BRD3: variants seen among roughly 807,000 people sequenced by gnomAD.
BRD3 encodes the protein bromodomain containing 3, also known as bromodomain-containing protein 3.
BRD3 carries 17 observed loss-of-function variants against 66.8 expected under a neutral mutation model. That is an observed-to-expected ratio of 0.25 (90% CI 0.17 to 0.38). BRD3 has a LOEUF of 0.38. BRD3 is among the 10% of genes least tolerant of loss of function. The pLI, the probability that BRD3 is intolerant of heterozygous loss-of-function variation, is 1.00. For synonymous variants in BRD3, 421 were observed against 393.2 expected, an observed-to-expected ratio of 1.07 and a Z score of -0.84; for missense variants, 713 against 956.1, an observed-to-expected ratio of 0.75 and a Z score of 3.35.
Position 134,030,450 on chromosome 9 carries a change from T to C in BRD3, c.*3140A>G, listed in dbSNP as rs1302646547. The C allele has an allele frequency of 5.1e-6, 1 of 195,876 alleles. No individual in the cohort carries two copies. The highest frequency in any genetic ancestry group is 1.1e-5 in the Non-Finnish European group (1 of 94,586). The allele number at this position is 195,876 out of a possible 1,614,324, so 12.1% of individuals were successfully genotyped here. On this transcript the variant is annotated 3_prime_UTR_variant, in exon 12 of 12. Coordinates refer to ENST00000303407, the MANE Select transcript of BRD3 (RefSeq NM_007371.4). ...GAGGCCAGCATTGCAATAAACAAGC[T>C]AAACTACTTACATTGGACTCATTTT...
chr9:134,039,101 C>T (rs1210956553), intron 9 of BRD3, among the ~76,000 whole-genome samples: 3 of 152,122 alleles, frequency 2.0e-5, no homozygotes, highest in South Asian at 2.1e-4. Context: ...CTGGCCATGC[C>T]GCCTCCCAAA....
chr9:134,037,537 C>CGAGA (rs1829951768), intron 9 of BRD3, among the ~76,000 whole-genome samples: 1 of 152,144 alleles, frequency 6.6e-6, no homozygotes, highest in Non-Finnish European at 1.5e-5. Flanking sequence ...TGCCACTGCA[C>CGAGA]TCCAGCCTAG....
chr9:134,047,875 G>A, intron 6 of BRD3: 1 of 590,538 alleles, frequency 1.7e-6, no homozygotes, highest in Non-Finnish European at 2.8e-6. Context: ...CAGAGCCACA[G>A]ACTCCGGGAC....
chr9:134,054,805 G>A (rs988661833), intron 1 of BRD3, among the ~76,000 whole-genome samples: 1 of 152,098 alleles, frequency 6.6e-6, no homozygotes, highest in Non-Finnish European at 1.5e-5. Context: ...GGCAAATGCT[G>A]CAAACCAGGA....
chr9:134,043,024 A>G (rs1440591343), intron 7 of BRD3, among the ~76,000 whole-genome samples: 1 of 152,176 alleles, frequency 6.6e-6, no homozygotes, highest in African/African-American at 2.4e-5. Context: ...TATTTTTAGT[A>G]GAGCCGAAGT....
chr9:134,050,525 G>T lies in BRD3; in HGVS notation c.563C>A (p.Pro188His). 3 of 1,605,254 alleles carry T rather than the reference G, an allele frequency of 1.9e-6. No homozygotes were observed. The South Asian group carries it at 3.3e-5, about 18-fold the overall frequency. The change falls in exon 5 of 12, where the codon CCC (proline) becomes CAC (histidine). Residue 188 changes from proline (P) to histidine (H), a missense_variant. Transcript: ENST00000303407. ...SPATPFQSVPPTVSQTPVIAA... is the reference protein window; with the variant it reads ...SPATPFQSVPHTVSQTPVIAA... ...GATGACGGGCGTCTGGGAGACGGTGGGGGGCACGCTCTGAAAGGGGGTCGC... is the reference window on the plus strand; with the variant it reads ...GATGACGGGCGTCTGGGAGACGGTGTGGGGCACGCTCTGAAAGGGGGTCGC...
intron 9 of BRD3, chr9:134,036,625 G>T: frequency 6.6e-7 from 1 of 1,507,904 alleles, no homozygotes; most frequent in East Asian, 2.3e-5. Flanking sequence ...AGGCAAAAAA[G>T]GGGGAACAAA....
chr9:134,053,126 T>C (rs1830338657), intron 2 of BRD3, 139 bp downstream of exon 2: 11 of 956,520 alleles, frequency 1.2e-5, no homozygotes, highest in African/African-American at 1.6e-5. Flanking sequence ...TGCTGTGGAC[T>C]TCCTGAGGCA....
intron 4 of BRD3, 25 bp downstream of exon 4, chr9:134,051,537 C>T: frequency 6.6e-7 from 1 of 1,509,862 alleles, no homozygotes; most frequent in Non-Finnish European, 8.7e-7. Flanking sequence ...AGGCCCAGCC[C>T]CTCGCCTGCC....
intron 1 of BRD3, among the ~76,000 whole-genome samples, chr9:134,060,116 C>T (rs765031004): frequency 6.6e-6 from 1 of 152,244 alleles, no homozygotes; most frequent in Non-Finnish European, 1.5e-5. Context: ...CAGGCACTGC[C>T]TGCCGGGCCC....
rs761403724 is a variant in BRD3 at position 134,036,188 on chromosome 9, G to A, written c.1780C>T (p.Arg594Trp). The change falls in exon 10 of 12, where the codon CGG becomes TGG. Residue 594 changes from arginine (R) to tryptophan (W), a missense_variant. Transcript: ENST00000303407. The stretch of plus-strand genomic sequence containing the variant: ...CGAGATTGGATGATGTGCACTACCC[G>A]GCCCAGCTTCTCCCCGGGCAGCCGG... The part of the protein sequence containing the change: ...INRLPGEKLG[R>W]VVHIIQSREP... 6.2e-6 allele frequency: 10 copies of A among 1,614,170 alleles called. No individual in the cohort carries two copies. Among genetic ancestry groups the A allele is most frequent in the Middle Eastern group, 1.7e-4 (1 of 6,060 alleles).
Position 134,053,818 on chromosome 9 carries a change from G to C in BRD3, c.-113-228C>G, listed in dbSNP as rs965217476. On this transcript the variant is annotated intron_variant, in intron 1 of 11. Coordinates refer to ENST00000303407, the MANE Select transcript of BRD3 (RefSeq NM_007371.4). ...CCAACCACTGCTCTCAGGCACGGGAGGGAAGGCCTGGGCGGTGGAGGGAGC... is the reference window on the plus strand; with the variant it reads ...CCAACCACTGCTCTCAGGCACGGGACGGAAGGCCTGGGCGGTGGAGGGAGC... 4.0e-4 allele frequency: 126 copies of C among 312,104 alleles called. 1 individual carries two copies. The highest frequency in any genetic ancestry group is 2.6e-3 in the African/African-American group (123 of 46,978). 19.3% of individuals were successfully genotyped at this position (312,104 alleles called of 1,614,324 possible).
chr9:134,054,647 G>A (rs1830377054), intron 1 of BRD3, among the ~76,000 whole-genome samples: 1 of 152,240 alleles, frequency 6.6e-6, no homozygotes, highest in South Asian at 2.1e-4. Context: ...CAGCAGCTCT[G>A]CCATGGGAGG....
chr9:134,067,686 G>C (rs1830697340), intron 1 of BRD3, among the ~76,000 whole-genome samples: 1 of 146,174 alleles, frequency 6.8e-6, no homozygotes, highest in South Asian at 2.1e-4. Flanking sequence ...GGCCAAGCGG[G>C]AGCGGGAGGA....
chr9:134,040,982 G>A (rs905925112), intron 8 of BRD3, among the ~76,000 whole-genome samples: 15 of 152,184 alleles, frequency 9.9e-5, no homozygotes, highest in Non-Finnish European at 1.9e-4. Context: ...TGGGTGGTCT[G>A]TGCAAGGAAG....
At position 134,050,573 on chromosome 9, in the gene BRD3, G is replaced by T; in HGVS notation, c.515C>A (p.Ala172Glu). 1.9e-6 allele frequency: 3 copies of T among 1,606,188 alleles called. No homozygotes were observed. Among genetic ancestry groups the T allele is most frequent in the Non-Finnish European group, 2.5e-6 (3 of 1,178,128 alleles). ...GAQSAGTQQV[A>E]AVSSVSPATP... Reference sequence around the variant, plus strand: ...CGCTGGGGAGACAGAGGACACGGCCGCCACTTGCTGTGTACCTTCAAGACA... The same window carrying T: ...CGCTGGGGAGACAGAGGACACGGCCTCCACTTGCTGTGTACCTTCAAGACA... The change falls in exon 5 of 12, where the codon GCG (alanine) becomes GAG (glutamate). Residue 172 changes from alanine to glutamate, a missense_variant. This residue lies in a region of BRD3 where 120 missense variants were observed against 122.8 expected (regional missense o/e 0.98). Transcript: ENST00000303407.
intron 1 of BRD3, among the ~76,000 whole-genome samples, chr9:134,062,490 C>T (rs1202734591): frequency 1.3e-5 from 2 of 152,168 alleles, no homozygotes; most frequent in East Asian, 3.9e-4. Context: ...GAACCCAGGG[C>T]CTGTGCTTCT....
At position 134,032,927 on chromosome 9, in the gene BRD3, T is replaced by A. The variant is rs1843535808; in HGVS notation, c.*663A>T. ...AGTGTATGGAAACCTGCAGGCTGCA[T>A]ACACAGCCGCTCTGTTCCCTCCGAG... On this transcript the variant is annotated 3_prime_UTR_variant, in exon 12 of 12. Transcript: ENST00000303407. 1 of 365,478 alleles carries A rather than the reference T, an allele frequency of 2.7e-6. No homozygotes were observed. The highest frequency in any genetic ancestry group is 4.9e-6 in the Non-Finnish European group (1 of 205,690). The allele number at this position is 365,478 out of a possible 1,614,324, so 22.6% of individuals were successfully genotyped here. A position where few individuals can be genotyped will look rare whatever the true frequency, so the allele number is the denominator to read the frequency against.
chr9:134,051,887 TTG>T lies in BRD3; in HGVS notation c.352-180_352-179del, dbSNP rs1554829385. On this transcript the variant is annotated intron_variant, in intron 3 of 11. Coordinates refer to ENST00000303407, the MANE Select transcript of BRD3 (RefSeq NM_007371.4). Reference sequence around the variant, plus strand: ...TGTGTGTGTGTGTGTGTTGTTTTTTTTGTTTTTTTTTTTTTTTTTTTGAGATG... The same window carrying T: ...TGTGTGTGTGTGTGTGTTGTTTTTTTTTTTTTTTTTTTTTTTTTTGAGATG... Among the ~76,000 whole-genome samples, 41 of 56,084 alleles carry T rather than the reference TTG, an allele frequency of 7.3e-4. 1 individual carries two copies. The highest frequency in any genetic ancestry group is 3.4e-3 in the African/African-American group (39 of 11,496). The allele number at this position is 56,084 out of a possible 152,430, so 36.8% of individuals were successfully genotyped here.
Sources: gnomAD v4.1 joint callset for allele counts (sites outside exome capture counted in the v4.1 genomes callset) on GRCh38, gnomAD v4.1.1 for gene constraint, gnomAD v4.1.1 regional missense constraint, MANE v1.5 for transcripts, NCBI Gene and HGNC (gene_info 2026-07-23, HGNC 2026-07-21) for gene names.